APOL5: variants seen among roughly 807,000 people sequenced by gnomAD.
The protein encoded by APOL5 is apolipoprotein L5.
APOL5 carries 29 observed loss-of-function variants against 35.5 expected under a neutral mutation model. The ratio of observed to expected loss-of-function variants is 0.82; its 90% CI spans 0.61 to 1.11. The LOEUF (loss-of-function observed/expected upper bound fraction) is 1.11. APOL5 is among the 50% of genes most tolerant of loss of function. APOL5 has a pLI of 0.00. For missense variants in APOL5, 514 were observed against 530.4 expected, an observed-to-expected ratio of 0.97 and a Z score of 0.30; for synonymous variants, 188 against 200.2, an observed-to-expected ratio of 0.94 and a Z score of 0.51.
chr22:35,723,161 T>C (rs1601897311), intron 2 of APOL5, among the ~76,000 whole-genome samples: 1 of 152,282 alleles, frequency 6.6e-6, no homozygotes, highest in East Asian at 1.9e-4. Flanking sequence ...ACAGTTCCTT[T>C]GAGGCCGTGG....
At position 35,726,917 on chromosome 22, in the gene APOL5, A is replaced by G. The variant is rs1927184237; in HGVS notation, c.849A>G (p.Thr283=). The change falls in exon 3 of 5, where the codon ACA becomes ACG. Residue 283 remains threonine (T), a synonymous_variant. Coordinates refer to ENST00000249044, the MANE Select transcript of APOL5 (RefSeq NM_030642.1). ...GGGTGCAGAGAGCCTTTGAGGGCAC[A>G]ACTCTGGCCATGACCAATGGTGCCT... The part of the protein sequence containing the change: ...ARGVQRAFEG[T]TLAMTNGAWV... 1.2e-6 allele frequency: 2 copies of G among 1,614,076 alleles called. No individual in the cohort carries two copies. Among genetic ancestry groups the G allele is most frequent in the African/African-American group, 1.3e-5 (1 of 74,942 alleles).
intron 3 of APOL5, among the ~76,000 whole-genome samples, chr22:35,727,551 T>C (rs1190795621): frequency 1.3e-5 from 2 of 152,126 alleles, no homozygotes; most frequent in Admixed American, 6.5e-5. Context: ...TTGCTGGGAC[T>C]GGAGATGACA....
chr22:35,728,367 G>A (rs28551175), intron 3 of APOL5, among the ~76,000 whole-genome samples: 2,102 of 152,258 alleles, frequency 0.014, 59 homozygotes, highest in African/African-American at 0.046. Flanking sequence ...GGGACTACAG[G>A]CGCCCGCCAC....
intron 2 of APOL5, 140 bp from the exon 3 acceptor site, chr22:35,726,071 G>C (rs951964790): frequency 2.3e-6 from 2 of 865,674 alleles, no homozygotes; most frequent in Admixed American, 2.8e-5. Context: ...AGATGAAGCC[G>C]GTTAGGTCAG....
chr22:35,717,790 G>T, upstream of APOL5: 2 of 826,350 alleles, frequency 2.4e-6, no homozygotes, highest in East Asian at 3.1e-5. Context: ...GGTGAGGACT[G>T]GGAGAGACAG....
chr22:35,719,154 A>T (rs1162197172), intron 1 of APOL5, among the ~76,000 whole-genome samples: 1 of 152,244 alleles, frequency 6.6e-6, no homozygotes, highest in African/African-American at 2.4e-5. Context: ...TTGAAAAATA[A>T]CGGGAAGTAG....
intron 2 of APOL5, among the ~76,000 whole-genome samples, chr22:35,723,798 CT>C (rs1927053517): frequency 6.6e-6 from 1 of 152,164 alleles, no homozygotes; most frequent in African/African-American, 2.4e-5. Context: ...CCTGTCGCTA[CT>C]AAAAACACAA....
the APOL5 span, among the ~76,000 whole-genome samples, chr22:35,709,825 T>C: frequency 1.3e-5 from 2 of 152,224 alleles, no homozygotes; most frequent in Admixed American, 6.5e-5. Flanking sequence ...CCAATGAGCA[T>C]TGATTTTTTT....
chr22:35,724,273 T>C (rs1927072606), intron 2 of APOL5, among the ~76,000 whole-genome samples: 1 of 145,354 alleles, frequency 6.9e-6, no homozygotes, highest in African/African-American at 2.6e-5. Flanking sequence ...GGCAATATAG[T>C]GAAGCCCTGT....
At chr22:35,712,421 T>C in the APOL5 span, among the ~76,000 whole-genome samples, 1 of 152,216 alleles carries the variant, frequency 6.6e-6, no homozygotes, top group Non-Finnish European at 1.5e-5. Context: ...CTCACTATTG[T>C]TGCCCAGGTT....
upstream of APOL5, among the ~76,000 whole-genome samples, chr22:35,714,625 C>T (rs190452466): frequency 1.2e-4 from 19 of 152,366 alleles, no homozygotes; most frequent in African/African-American, 3.8e-4. Flanking sequence ...CTTAGGTCTA[C>T]GTGAGCCTCT....
chr22:35,711,967 G>A, the APOL5 span, among the ~76,000 whole-genome samples: 2 of 151,238 alleles, frequency 1.3e-5, no homozygotes, highest in South Asian at 2.1e-4. Flanking sequence ...GAGCCACCGC[G>A]CCCAGCCTTC....
rs1461833989 is a variant in APOL5, at chr22:35,728,844, C to A, written c.1248C>A (p.Ala416=). The A allele has an allele frequency of 1.5e-5, 24 of 1,608,184 alleles. No individual in the cohort carries two copies. The highest frequency in any genetic ancestry group is 2.0e-5 in the Non-Finnish European group (24 of 1,178,898). Residue 416 remains alanine (A), a synonymous_variant, in exon 4 of 5, where the codon GCC becomes GCA. Transcript: ENST00000249044. ...SAPRMLGHQP[A]PPAPARKGRQ... is the part of the protein sequence containing the mutation. ...CAAGGATGCTTGGCCACCAGCCAGC[C>A]CCACCAGCACCAGCAAGAAAGGGGA...
At chr22:35,708,973 C>T in the APOL5 span, among the ~76,000 whole-genome samples, 2 of 152,180 alleles carry the variant, frequency 1.3e-5, no homozygotes, top group African/African-American at 4.8e-5. Flanking sequence ...TCCTTGGCTA[C>T]ACAATGCGAG....
upstream of APOL5, among the ~76,000 whole-genome samples, chr22:35,717,235 A>AAAAAAAAATAT: frequency 3.5e-5 from 2 of 57,664 alleles, no homozygotes; most frequent in African/African-American, 1.6e-4. Flanking sequence ...AAAAAAAAAA[A>AAAAAAAAATAT]ATATATATAT....
intron 3 of APOL5, 144 bp from the exon 4 acceptor site, chr22:35,728,578 GA>G (rs1489714512): frequency 1.1e-6 from 1 of 893,332 alleles, no homozygotes; most frequent in Non-Finnish European, 1.7e-6. Context: ...CCAAGTTTGG[GA>G]CCCACTGCCC....
chr22:35,717,002 T>C (rs1160988460), upstream of APOL5, among the ~76,000 whole-genome samples: 1 of 13,796 alleles, frequency 7.2e-5, no homozygotes, highest in East Asian at 2.5e-3. Context: ...TCTGTTGTGT[T>C]GTGTTGTGCC....
At chr22:35,720,525 G>C in intron 1 of APOL5, 43 bp from the exon 2 acceptor site, 1 of 1,585,272 alleles carries the variant, frequency 6.3e-7, no homozygotes, top group Non-Finnish European at 8.7e-7. Flanking sequence ...TTCGGGCTGA[G>C]ATGACTCAAG....
chr22:35,721,268 C>G (rs1220634330), intron 2 of APOL5, among the ~76,000 whole-genome samples: 2 of 152,114 alleles, frequency 1.3e-5, no homozygotes, highest in Non-Finnish European at 2.9e-5. Flanking sequence ...TAAGGGCAGG[C>G]ACGGTGGCTC....
Sources: allele counts gnomAD v4.1 joint callset (sites outside exome capture counted in the v4.1 genomes callset), GRCh38; gene constraint gnomAD v4.1.1; transcripts MANE v1.5; gene names NCBI Gene and HGNC (gene_info 2026-07-23, HGNC 2026-07-21).